The following RNGTT variants were observed in gnomAD, a reference collection of about 807,000 sequenced individuals.
RNGTT encodes the protein mRNA-capping enzyme.
Under a neutral mutation model 79.3 loss-of-function variants are expected in RNGTT, and 33 were observed. The observed-to-expected ratio is 0.42, with a 90% confidence interval of 0.32 to 0.56. The LOEUF is 0.56. Ranked by LOEUF, RNGTT falls within the 20% of genes least tolerant of loss-of-function variation. The pLI is 0.17. For missense variants in RNGTT, 497 were observed against 739.1 expected, an observed-to-expected ratio of 0.67 and a Z score of 3.80; for synonymous variants, 222 against 235.9, an observed-to-expected ratio of 0.94 and a Z score of 0.54.
At chr6:88,741,050 G>T (rs1020021151) in intron 13 of RNGTT, among the ~76,000 whole-genome samples, 1 of 152,098 alleles carries the variant, frequency 6.6e-6, no homozygotes, top group Admixed American at 6.6e-5. Flanking sequence ...ATTTCTGAAA[G>T]AACTTAAAAC....
At chr6:88,928,725 A>C (rs1207935273) in intron 4 of RNGTT, among the ~76,000 whole-genome samples, 5 of 152,240 alleles carry the variant, frequency 3.3e-5, no homozygotes, top group Non-Finnish European at 1.5e-5. Flanking sequence ...AGTATAAAAA[A>C]TAAATATGTA....
In RNGTT at chr6:88,693,775, C is replaced by T. The variant is rs760385700; in HGVS notation, c.1440-15356G>A. On this transcript the variant is annotated intron_variant, in intron 13 of 15. Transcript: ENST00000369485. ...CACCACAATCAGTAGGATTTATCCC[C>T]GGAATGAAAGGACAGTTAAACATAC... is the stretch of plus-strand genomic sequence containing the variant. 2.7e-4 allele frequency among the ~76,000 whole-genome samples: 41 copies of T among 152,012 alleles called. 1 individual carries two copies. Among genetic ancestry groups the T allele is most frequent in the Non-Finnish European group, 5.1e-4 (35 of 67,970 alleles).
At chr6:88,801,700 GC>G in intron 11 of RNGTT, 68 bp from the exon 12 acceptor site, 1 of 1,064,670 alleles carries the variant, frequency 9.4e-7, no homozygotes, top group South Asian at 1.4e-5. Flanking sequence ...TAAACTTCTT[GC>G]TAAGCTTTAT....
intron 13 of RNGTT, among the ~76,000 whole-genome samples, chr6:88,730,642 C>T (rs543952358): frequency 6.6e-6 from 1 of 152,378 alleles, no homozygotes; most frequent in Non-Finnish European, 1.5e-5. Flanking sequence ...ATGCTCACCT[C>T]CTGCTGCGCA....
At chr6:88,737,771 A>G (rs1411626379) in intron 13 of RNGTT, among the ~76,000 whole-genome samples, 2 of 152,182 alleles carry the variant, frequency 1.3e-5, no homozygotes, top group Non-Finnish European at 2.9e-5. Flanking sequence ...CAGTCTCTAG[A>G]ACTATAAGAA....
At chr6:88,790,198 A>G (rs1358359509) in intron 12 of RNGTT, among the ~76,000 whole-genome samples, 2 of 152,352 alleles carry the variant, frequency 1.3e-5, no homozygotes, top group Middle Eastern at 3.4e-3. Context: ...AAGGACGCCA[A>G]TGCAAGTCAT....
At chr6:88,920,516 A>G (rs781727003) in intron 4 of RNGTT, among the ~76,000 whole-genome samples, 2 of 152,248 alleles carry the variant, frequency 1.3e-5, no homozygotes, top group African/African-American at 4.8e-5. Context: ...ATGAATATAT[A>G]TAACAGTCAC....
chr6:88,808,484 G>A (rs1226146849), intron 11 of RNGTT, among the ~76,000 whole-genome samples: 2 of 152,068 alleles, frequency 1.3e-5, no homozygotes, highest in African/African-American at 4.8e-5. Flanking sequence ...AGAAAACATG[G>A]GGCAAGCCAT....
chr6:88,949,842 T>C (rs1017275347), intron 1 of RNGTT, among the ~76,000 whole-genome samples: 8 of 152,132 alleles, frequency 5.3e-5, no homozygotes, highest in Non-Finnish European at 5.9e-5. Flanking sequence ...CCAGAAGATA[T>C]AGCTAAGATA....
At chr6:88,873,082 A>AAAAG (rs1337084294) in intron 8 of RNGTT, among the ~76,000 whole-genome samples, 2 of 152,294 alleles carry the variant, frequency 1.3e-5, no homozygotes. Context: ...ACAGAAAAAA[A>AAAAG]AAAGAAAGAA....
intron 14 of RNGTT, among the ~76,000 whole-genome samples, chr6:88,669,488 T>A (rs1217611198): frequency 5.9e-5 from 9 of 152,142 alleles, no homozygotes; most frequent in Non-Finnish European, 1.3e-4. Flanking sequence ...GGAAAAGACT[T>A]CACCATCCCC....
intron 1 of RNGTT, among the ~76,000 whole-genome samples, chr6:88,945,437 T>C (rs1266667455): frequency 6.6e-6 from 1 of 152,190 alleles, no homozygotes. Flanking sequence ...CTTGAAAAAC[T>C]CTCCTGCCTT....
chr6:88,908,254 T>C (rs1035509346), intron 4 of RNGTT, among the ~76,000 whole-genome samples: 3 of 152,178 alleles, frequency 2.0e-5, no homozygotes, highest in African/African-American at 7.2e-5. Flanking sequence ...TAAATTAGAC[T>C]ATTTCAAAAT....
chr6:88,894,725 GCCA>G (rs906684479), intron 6 of RNGTT, among the ~76,000 whole-genome samples: 8 of 151,994 alleles, frequency 5.3e-5, no homozygotes, highest in Non-Finnish European at 1.2e-4. Flanking sequence ...TGAAAATATG[GCCA>G]CTTCAGCATA....
At chr6:88,925,577 G>A (rs1303203864) in intron 4 of RNGTT, among the ~76,000 whole-genome samples, 4 of 149,718 alleles carry the variant, frequency 2.7e-5, no homozygotes, top group Non-Finnish European at 5.9e-5. Context: ...TGGGCAATAC[G>A]GCAAGACCTT....
intron 14 of RNGTT, among the ~76,000 whole-genome samples, chr6:88,642,992 A>G (rs1271870465): frequency 6.6e-6 from 1 of 152,194 alleles, no homozygotes; most frequent in African/African-American, 2.4e-5. Context: ...GGGAAGTACA[A>G]ATGCGCCTTG....
At chr6:88,683,941 T>A (rs1178698373) in intron 13 of RNGTT, among the ~76,000 whole-genome samples, 2 of 151,948 alleles carry the variant, frequency 1.3e-5, no homozygotes, top group African/African-American at 2.4e-5. Flanking sequence ...CATGAGTCCA[T>A]GAGTTAAAGG....
chr6:88,755,159 T>C (rs757048983), intron 13 of RNGTT, among the ~76,000 whole-genome samples: 107 of 152,144 alleles, frequency 7.0e-4, no homozygotes, highest in Non-Finnish European at 8.1e-4. Context: ...ATGATTTGCC[T>C]GTCTGGAAAA....
In RNGTT at chr6:88,684,670, A is replaced by G. The variant is rs77810809; in HGVS notation, c.1440-6251T>C. Among the ~76,000 whole-genome samples, 251 of 150,524 alleles carry G rather than the reference A, an allele frequency of 1.7e-3. 8 individuals carry two copies. In the East Asian group the frequency reaches 0.044, roughly 26 times the overall value. ...ATGATATTCTGAGAAAGGCAAAAGG[A>G]TTTTTTTAAGGCAGTGAAACCATTC... On this transcript the variant is annotated intron_variant, in intron 13 of 15. Transcript: ENST00000369485.
Sources: gnomAD v4.1 joint callset for allele counts (sites outside exome capture counted in the v4.1 genomes callset) on GRCh38, gnomAD v4.1.1 for gene constraint, MANE v1.5 for transcripts, NCBI Gene and HGNC (gene_info 2026-07-23, HGNC 2026-07-21) for gene names.